Variants in CHTF8 observed in about 807,000 individuals in gnomAD.
CHTF8 encodes chromosome transmission fidelity protein 8 homolog.
In CHTF8, 6 loss-of-function variants were observed where a neutral mutation model predicts 11.0. The ratio of observed to expected loss-of-function variants is 0.55; its 90% CI spans 0.30 to 1.08. CHTF8 has a LOEUF of 1.08. CHTF8 is among the 50% of genes least tolerant of loss of function. The pLI, the probability that CHTF8 is intolerant of heterozygous loss-of-function variation, is 0.07. For missense variants in CHTF8, 140 were observed against 153.1 expected (o/e 0.91, Z 0.45); for synonymous variants, 53 against 60.5 (o/e 0.88, Z 0.57).
intron 1 of CHTF8, among the ~76,000 whole-genome samples, chr16:69,126,155 G>A (rs1032280913): frequency 3.3e-5 from 5 of 152,200 alleles, no homozygotes; most frequent in African/African-American, 1.2e-4. Context: ...GGTGGTTTTA[G>A]AGAAGCAATA....
Position 69,120,151 on chromosome 16 carries a change from G to C in CHTF8, c.*274C>G, listed in dbSNP as rs745441996. ...CCCTCTTGGAAAAGAAGCCATACTTGGGTCACGAGCACCAGCCGGGAAAGG... is the reference window on the plus strand; with the variant it reads ...CCCTCTTGGAAAAGAAGCCATACTTCGGTCACGAGCACCAGCCGGGAAAGG... On this transcript the variant is annotated 3_prime_UTR_variant, in exon 4 of 4. Transcript: ENST00000448552. This position sits in a 1 kb window ranked among gnomAD's most constrained non-coding sequence, Gnocchi z 4.0. 8 of 701,504 alleles carry C rather than the reference G, an allele frequency of 1.1e-5. 1 individual carries two copies. The highest frequency in any genetic ancestry group is 1.6e-5 in the Non-Finnish European group (6 of 385,040). 43.5% of individuals were successfully genotyped at this position (701,504 alleles called of 1,614,324 possible).
rs771645177 is a variant in CHTF8, at chr16:69,118,341, G to C, written c.*2084C>G. The C allele has an allele frequency of 6.6e-7, 1 of 1,523,764 alleles. No homozygotes were observed. 94.4% of individuals were successfully genotyped at this position (1,523,764 alleles called of 1,614,324 possible). A position where few individuals can be genotyped will look rare whatever the true frequency, so the allele number is the denominator to read the frequency against. On this transcript the variant is annotated 3_prime_UTR_variant, in exon 4 of 4. Coordinates refer to ENST00000448552, the MANE Select transcript of CHTF8 (RefSeq NM_001039690.5). ...CTTTGAAGTGGTTGTCCATCTCCCTGTTCTGTGTTCAAGCCCCCAGGGAAA... is the reference window on the plus strand; with the variant it reads ...CTTTGAAGTGGTTGTCCATCTCCCTCTTCTGTGTTCAAGCCCCCAGGGAAA...
In CHTF8 at chr16:69,123,936, A is replaced by C. The variant is rs182799523; in HGVS notation, c.-35-2443T>G. Among the ~76,000 whole-genome samples, 713 of 138,966 alleles carry C rather than the reference A, an allele frequency of 5.1e-3. 5 individuals carry two copies. The highest frequency in any genetic ancestry group is 0.017 in the African/African-American group (695 of 40,362). The allele number at this position is 138,966 out of a possible 152,430, so 91.2% of individuals were successfully genotyped here. The stretch of plus-strand genomic sequence containing the variant: ...AACCCCATCTCTACTAAAAAAAAAA[A>C]AAAAAAAAAAACAAAAAATTAGCTG... On this transcript the variant is annotated intron_variant, in intron 1 of 3. Coordinates refer to ENST00000448552, the MANE Select transcript of CHTF8 (RefSeq NM_001039690.5).
In CHTF8 at chr16:69,121,498, A is replaced by G. The variant is rs769783890; in HGVS notation, c.-35-5T>C. On this transcript the variant is annotated splice_region_variant and splice_polypyrimidine_tract_variant and intron_variant, in intron 1 of 3. Transcript: ENST00000448552. Reference sequence around the variant, plus strand: ...TAAAAAGCAAGTGAAAACAAGCTGTAGAGAGAAAAAAAGAGATTTAGGGTA... The same window carrying G: ...TAAAAAGCAAGTGAAAACAAGCTGTGGAGAGAAAAAAAGAGATTTAGGGTA... 3.8e-6 allele frequency: 6 copies of G among 1,566,934 alleles called. No homozygotes were observed. In the Admixed American group the frequency reaches 7.8e-5, roughly 20 times the overall value.
At chr16:69,129,425 G>A (rs1406366257) in intron 1 of CHTF8, among the ~76,000 whole-genome samples, 3 of 96,716 alleles carry the variant, frequency 3.1e-5, no homozygotes, top group African/African-American at 4.5e-5. Flanking sequence ...GCGAGACTCC[G>A]TCACAAAAAA....
Position 69,118,129 on chromosome 16 carries a change from C to CCCCCCCCCCA in CHTF8, c.*2295_*2296insTGGGGGGGGG. 1 of 364,368 alleles carries CCCCCCCCCCA rather than the reference C, an allele frequency of 2.7e-6. No homozygotes were observed. 22.6% of individuals were successfully genotyped at this position (364,368 alleles called of 1,614,324 possible). ...GTGATTTCTTCCCTTCATCCCCCAC[C>CCCCCCCCCCA]CCCACCCTAATTCCCATATTCCCAT... is the stretch of plus-strand genomic sequence containing the variant. On this transcript the variant is annotated 3_prime_UTR_variant, in exon 4 of 4. Transcript: ENST00000448552.
At chr16:69,122,080 C>A (rs1390162588) in intron 1 of CHTF8, among the ~76,000 whole-genome samples, 1 of 152,174 alleles carries the variant, frequency 6.6e-6, no homozygotes, top group African/African-American at 2.4e-5. Context: ...GCCACCATGC[C>A]TGGCCGACAA....
chr16:69,132,030 G>T (rs1339140112), intron 1 of CHTF8: 1 of 152,680 alleles, frequency 6.5e-6, no homozygotes, highest in African/African-American at 2.4e-5. Context: ...CTCCGCTCCC[G>T]CAAGCATAGC....
chr16:69,127,177 G>A lies in CHTF8; in HGVS notation c.-36+5307C>T, dbSNP rs1313579570. ...TGCTTGAACCTGGGAGGCGGAGGCT[G>A]CAGTGAGCTGAGATTGCGCCACCAC... On this transcript the variant is annotated intron_variant, in intron 1 of 3. Coordinates refer to ENST00000448552, the MANE Select transcript of CHTF8 (RefSeq NM_001039690.5). Among the ~76,000 whole-genome samples the A allele has an allele frequency of 3.0e-4, 46 of 151,632 alleles. 1 individual carries two copies. The highest frequency in any genetic ancestry group is 3.0e-3 in the Admixed American group (46 of 15,222).
At chr16:69,127,692 C>T (rs897150580) in intron 1 of CHTF8, among the ~76,000 whole-genome samples, 1 of 150,114 alleles carries the variant, frequency 6.7e-6, no homozygotes, top group African/African-American at 2.5e-5. Flanking sequence ...TCATTGCAAC[C>T]TCTGTCTCCC....
In CHTF8 at chr16:69,119,903, G is replaced by A; in HGVS notation, c.*522C>T. On this transcript the variant is annotated 3_prime_UTR_variant, in exon 4 of 4. Transcript: ENST00000448552. ...TTAGGTCCAGATCCAGGGCCCATGG[G>A]ACCACCACCTCTGGGGTCAGGACCT... 1 of 702,288 alleles carries A rather than the reference G, an allele frequency of 1.4e-6. No homozygotes were observed. Among genetic ancestry groups the A allele is most frequent in the Non-Finnish European group, 2.6e-6 (1 of 384,990 alleles). 43.5% of individuals were successfully genotyped at this position (702,288 alleles called of 1,614,324 possible). A position where few individuals can be genotyped will look rare whatever the true frequency, so the allele number is the denominator to read the frequency against.
At chr16:69,126,372 T>G (rs761179081) in intron 1 of CHTF8, among the ~76,000 whole-genome samples, 16 of 152,186 alleles carry the variant, frequency 1.1e-4, no homozygotes, top group Non-Finnish European at 2.1e-4. Flanking sequence ...GAAAACACAT[T>G]TGGTTGCTGG....
intron 1 of CHTF8, among the ~76,000 whole-genome samples, chr16:69,123,709 G>C (rs978368425): frequency 6.6e-6 from 1 of 152,134 alleles, no homozygotes; most frequent in Non-Finnish European, 1.5e-5. Context: ...CATCTTTAGT[G>C]AATGGTAAGC....
intron 1 of CHTF8, among the ~76,000 whole-genome samples, chr16:69,127,601 CTTTTT>C (rs71383961): frequency 1.1e-4 from 11 of 104,396 alleles, no homozygotes; most frequent in Admixed American, 1.0e-3. Context: ...CTCCCGGCAA[CTTTTT>C]TTTTTTTTTT....
Position 69,132,486 on chromosome 16 carries a change from G to A in CHTF8, c.-38C>T. 3.8e-6 allele frequency: 1 copy of A among 263,904 alleles called. No individual in the cohort carries two copies. Among genetic ancestry groups the A allele is most frequent in the Non-Finnish European group, 7.3e-6 (1 of 137,536 alleles). 16.3% of individuals were successfully genotyped at this position (263,904 alleles called of 1,614,324 possible). ...GTGCCCCCCGCCCGCGGCCTGACCT[G>A]CAATGGCGGCCGCCGAGCGCGGCGC... On this transcript the variant is annotated splice_region_variant and 5_prime_UTR_variant, in exon 1 of 4. Coordinates refer to ENST00000448552, the MANE Select transcript of CHTF8 (RefSeq NM_001039690.5).
chr16:69,121,218 T>C, intron 2 of CHTF8, 48 bp from the exon 3 acceptor site: 1 of 1,528,336 alleles, frequency 6.5e-7, no homozygotes, highest in Non-Finnish European at 9.0e-7. Context: ...GGGTGAAGGA[T>C]GAATAGTGTC....
At chr16:69,129,202 G>A (rs968743766) in intron 1 of CHTF8, among the ~76,000 whole-genome samples, 3 of 151,946 alleles carry the variant, frequency 2.0e-5, no homozygotes, top group Admixed American at 1.3e-4. Context: ...AGGCCGAGGC[G>A]GGCAGATCAC....
Position 69,118,139 on chromosome 16 carries a change from AT to A in CHTF8, c.*2285del. 2.9e-6 allele frequency: 1 copy of A among 341,258 alleles called. No homozygotes were observed. Among genetic ancestry groups the A allele is most frequent in the Non-Finnish European group, 5.4e-6 (1 of 185,696 alleles). The allele number at this position is 341,258 out of a possible 1,614,324, so 21.1% of individuals were successfully genotyped here. A position where few individuals can be genotyped will look rare whatever the true frequency, so the allele number is the denominator to read the frequency against. On this transcript the variant is annotated 3_prime_UTR_variant, in exon 4 of 4. Coordinates refer to ENST00000448552, the MANE Select transcript of CHTF8 (RefSeq NM_001039690.5). ...CCCTTCATCCCCCACCCCCACCCTA[AT>A]TCCCATATTCCCATCCACATCAGTT...
At position 69,118,121 on chromosome 16, in the gene CHTF8, T is replaced by TCCCCCCCCC; in HGVS notation, c.*2303_*2304insGGGGGGGGG. The TCCCCCCCCC allele has an allele frequency of 4.3e-6, 2 of 462,570 alleles. No individual in the cohort carries two copies. Among genetic ancestry groups the TCCCCCCCCC allele is most frequent in the South Asian group, 2.9e-5 (1 of 34,774 alleles). The allele number at this position is 462,570 out of a possible 1,614,324, so 28.7% of individuals were successfully genotyped here. A position where few individuals can be genotyped will look rare whatever the true frequency, so the allele number is the denominator to read the frequency against. On this transcript the variant is annotated 3_prime_UTR_variant, in exon 4 of 4. Transcript: ENST00000448552. The stretch of plus-strand genomic sequence containing the variant: ...AAAGCACAGTGATTTCTTCCCTTCA[T>TCCCCCCCCC]CCCCCACCCCCACCCTAATTCCCAT...
Sources: gnomAD v4.1 joint callset for allele counts (sites outside exome capture counted in the v4.1 genomes callset) on GRCh38, gnomAD v4.1.1 for gene constraint, Gnocchi (gnomAD v3.1) non-coding constraint, MANE v1.5 for transcripts, NCBI Gene and HGNC (gene_info 2026-07-23, HGNC 2026-07-21) for gene names.